The following FMNL1 variants were observed in gnomAD, a reference collection of about 807,000 sequenced individuals.
The protein encoded by FMNL1 is formin-like protein 1.
A neutral mutation model predicts 121.3 loss-of-function variants in FMNL1; 43 were observed. The ratio of observed to expected loss-of-function variants is 0.35; its 90% CI spans 0.28 to 0.46. FMNL1 has a LOEUF of 0.46. Ranked by LOEUF, FMNL1 falls within the 20% of genes least tolerant of loss-of-function variation. The pLI is 1.00. For missense variants in FMNL1, 1,191 were observed against 1,482.4 expected (o/e 0.80, Z 3.23); for synonymous variants, 613 against 613.5 (o/e 1.00, Z 0.01).
At position 45,243,775 on chromosome 17, in the gene FMNL1, C is replaced by G; in HGVS notation, c.2214-16C>G. The G allele has an allele frequency of 6.2e-7, 1 of 1,601,850 alleles. No individual in the cohort carries two copies. The highest frequency in any genetic ancestry group is 8.5e-7 in the Non-Finnish European group (1 of 1,170,478). On this transcript the variant is annotated splice_polypyrimidine_tract_variant and intron_variant, in intron 17 of 26. Transcript: ENST00000331495. Reference sequence around the variant, plus strand: ...GTATGGATGATGCCCAATCTCCCCTCTCCTCCCTCTCACAGGTACGACCTG... The same window carrying G: ...GTATGGATGATGCCCAATCTCCCCTGTCCTCCCTCTCACAGGTACGACCTG...
Position 45,241,542 on chromosome 17 carries a change from C to A in FMNL1, c.1493C>A (p.Ala498Asp). 2 of 1,574,290 alleles carry A rather than the reference C, an allele frequency of 1.3e-6. No individual in the cohort carries two copies. The highest frequency in any genetic ancestry group is 2.7e-5 in the African/African-American group (2 of 74,446). ...CGTATTCTGCGGGGGCCGGGGGATG[C>A]TGTCTCCATCGAGATCCTCCCCGTC... is the stretch of plus-strand genomic sequence containing the variant. ...LIRILRGPGD[A>D]VSIEILPVAV... Residue 498 changes from alanine (A) to aspartate (D), a missense_variant, in exon 14 of 27, where the codon GCT becomes GAT. By Grantham distance (126) the Ala-to-Asp change is moderately radical (BLOSUM62 -2). Transcript: ENST00000331495. This position sits in a 1 kb window ranked among gnomAD's most constrained non-coding sequence, Gnocchi z 7.0.
intron 16 of FMNL1, among the ~76,000 whole-genome samples, chr17:45,242,857 C>G (rs2043739192): frequency 6.6e-6 from 1 of 152,262 alleles, no homozygotes; most frequent in South Asian, 2.1e-4. Flanking sequence ...TTTCCTTTCT[C>G]CTTTTTACCG....
Position 45,236,006 on chromosome 17 carries a change from G to A in FMNL1, c.615-130G>A, listed in dbSNP as rs991753417. 1.7e-5 allele frequency: 12 copies of A among 707,244 alleles called. No homozygotes were observed. The Admixed American group carries it at 2.8e-4, about 16-fold the overall frequency. The allele number at this position is 707,244 out of a possible 1,614,324, so 43.8% of individuals were successfully genotyped here. ...CTGCCTGCCCTCAGCCAGCCTCTTTGGTTGGGTAGATGGGATGTGGTGCCG... is the reference window on the plus strand; with the variant it reads ...CTGCCTGCCCTCAGCCAGCCTCTTTAGTTGGGTAGATGGGATGTGGTGCCG... On this transcript the variant is annotated intron_variant, in intron 6 of 26. Transcript: ENST00000331495.
chr17:45,239,224 C>T (rs1297547310), intron 11 of FMNL1, 159 bp downstream of exon 11: 4 of 627,044 alleles, frequency 6.4e-6, no homozygotes, highest in Non-Finnish European at 8.7e-6. Flanking sequence ...TCCTCTCTCT[C>T]AGTGTCAGTT....
In FMNL1 at chr17:45,231,640, C is replaced by T. The variant is rs906542015; in HGVS notation, c.214-727C>T. Among the ~76,000 whole-genome samples, 12 of 151,982 alleles carry T rather than the reference C, an allele frequency of 7.9e-5. No individual in the cohort carries two copies. Among genetic ancestry groups the T allele is most frequent in the South Asian group, 2.1e-4 (1 of 4,828 alleles). On this transcript the variant is annotated intron_variant, in intron 2 of 26. Transcript: ENST00000331495. This position sits in a 1 kb window ranked among gnomAD's most constrained non-coding sequence, Gnocchi z 4.7. ...GGCCCCTCTGGGGAGGGGTCTTTGC[C>T]GTGGTCCCTGCCTCTTTGTGTGAGT...
Position 45,222,204 on chromosome 17 carries a change from A to G in FMNL1, c.80A>G (p.Gln27Arg). 8.0e-7 allele frequency: 1 copy of G among 1,250,320 alleles called. No homozygotes were observed. The highest frequency in any genetic ancestry group is 1.0e-6 in the Non-Finnish European group (1 of 992,158). 77.5% of individuals were successfully genotyped at this position (1,250,320 alleles called of 1,614,324 possible). A position where few individuals can be genotyped will look rare whatever the true frequency, so the allele number is the denominator to read the frequency against. The change falls in exon 1 of 27, where the codon CAG becomes CGG. Residue 27 changes from glutamine (Q) to arginine (R), a missense_variant. Around this residue, in one of 4 missense-constraint regions of FMNL1, gnomAD observed 52 missense variants for 43.4 expected, o/e 1.20. Transcript: ENST00000331495. ...PPPKQPAPPK[Q>R]PMPAAGELEE... ...CCCAAGCAGCCCGCGCCTCCCAAGC[A>G]GCCGATGCCCGCGGCCGGAGAGCTG...
chr17:45,225,833 T>C (rs1048255268), intron 1 of FMNL1, among the ~76,000 whole-genome samples: 5 of 152,154 alleles, frequency 3.3e-5, no homozygotes. Flanking sequence ...AGCTGTAGTT[T>C]CCCTCACCTG....
Position 45,244,000 on chromosome 17 carries a change from C to T in FMNL1, c.2423C>T (p.Pro808Leu), listed in dbSNP as rs200065435. ...ACACTCACCTTCCTGGGCAACTTCC[C>T]GGACACAGCCCAGCTGCTCATGCCG... ...MTTLTFLGNF[P>L]DTAQLLMPQL... The change falls in exon 18 of 27, where the codon CCG becomes CTG. Residue 808 changes from proline to leucine, a missense_variant. This residue lies in a region of FMNL1 where 367 missense variants were observed against 528.6 expected (regional missense o/e 0.69). Transcript: ENST00000331495. The T allele has an allele frequency of 2.4e-5, 38 of 1,610,790 alleles. No individual in the cohort carries two copies. The highest frequency in any genetic ancestry group is 4.4e-5 in the South Asian group (4 of 91,042).
chr17:45,232,857 G>T, intron 3 of FMNL1: 1 of 561,986 alleles, frequency 1.8e-6, no homozygotes, highest in Non-Finnish European at 3.4e-6. Flanking sequence ...GTGTGTGTGT[G>T]TGTCCATGTA....
At chr17:45,226,488 G>T (rs533463707) in intron 1 of FMNL1, among the ~76,000 whole-genome samples, 22 of 152,306 alleles carry the variant, frequency 1.4e-4, no homozygotes, top group Admixed American at 3.9e-4. Flanking sequence ...CCATTCCCCG[G>T]CTGCTCCTTC....
chr17:45,239,058 A>T lies in FMNL1; in HGVS notation c.1073A>T (p.Tyr358Phe), dbSNP rs758023511. The change falls in exon 11 of 27, where the codon TAC becomes TTC. Residue 358 changes from tyrosine to phenylalanine, a missense_variant. Around this residue, in one of 4 missense-constraint regions of FMNL1, gnomAD observed 519 missense variants for 492.8 expected, o/e 1.05. Transcript: ENST00000331495. ...YEFTHLGLDL[Y>F]LERLRLTESD... ...TTCACCCACTTGGGCCTGGACCTGTACTTGGAGGTAAGCCCTGTACTGCCC... is the reference window on the plus strand; with the variant it reads ...TTCACCCACTTGGGCCTGGACCTGTTCTTGGAGGTAAGCCCTGTACTGCCC... 1 of 1,613,684 alleles carries T rather than the reference A, an allele frequency of 6.2e-7. No individual in the cohort carries two copies.
Position 45,240,465 on chromosome 17 carries a change from C to T in FMNL1, c.1081-11C>T. ...CCAGGCCTCACCCCACTCCTTCCAT[C>T]TGGGGGACAGAGGCTTCGGCTCACC... On this transcript the variant is annotated splice_polypyrimidine_tract_variant and intron_variant, in intron 11 of 26. Transcript: ENST00000331495. 2 of 1,605,326 alleles carry T rather than the reference C, an allele frequency of 1.2e-6. No homozygotes were observed. Among genetic ancestry groups the T allele is most frequent in the Non-Finnish European group, 1.7e-6 (2 of 1,175,060 alleles).
At chr17:45,240,698 G>C (rs1358955323) in intron 12 of FMNL1, 73 bp downstream of exon 12, 1 of 1,539,250 alleles carries the variant, frequency 6.5e-7, no homozygotes, top group African/African-American at 1.4e-5. Context: ...GGCCACGCAA[G>C]CATGGGCACT....
chr17:45,240,824 G>T, intron 12 of FMNL1, 199 bp downstream of exon 12: 1 of 814,600 alleles, frequency 1.2e-6, no homozygotes, highest in Non-Finnish European at 1.9e-6. Flanking sequence ...GTGTGGGTGA[G>T]CACCCTCACT....
Position 45,241,918 on chromosome 17 carries a change from T to G in FMNL1, c.1657T>G (p.Ser553Ala), listed in dbSNP as rs1483850863. The stretch of plus-strand genomic sequence containing the variant: ...GCCGCCCCCACTGCCCGGCCTCCCC[T>G]CCCCGCAGGAAGCCCCGCCCTCTGC... ...PPPPPLPGLPSPQEAPPSAPP... is the reference protein window; with the variant it reads ...PPPPPLPGLPAPQEAPPSAPP... Residue 553 changes from serine to alanine, a missense_variant, in exon 15 of 27, where the codon TCC becomes GCC. Ser to Ala is a moderately conservative substitution (Grantham distance 99). Around this residue, in one of 4 missense-constraint regions of FMNL1, gnomAD observed 519 missense variants for 492.8 expected, o/e 1.05. Coordinates refer to ENST00000331495, the MANE Select transcript of FMNL1 (RefSeq NM_005892.4). This position sits in a 1 kb window ranked among gnomAD's most constrained non-coding sequence, Gnocchi z 7.0. 8.2e-7 allele frequency: 1 copy of G among 1,213,054 alleles called. No individual in the cohort carries two copies. Among genetic ancestry groups the G allele is most frequent in the South Asian group, 1.7e-5 (1 of 57,546 alleles). 75.1% of individuals were successfully genotyped at this position (1,213,054 alleles called of 1,614,324 possible). A position where few individuals can be genotyped will look rare whatever the true frequency, so the allele number is the denominator to read the frequency against.
Position 45,232,348 on chromosome 17 carries a change from C to G in FMNL1, c.214-19C>G. ...GTAGCTCTGGCTGGTTTTCTGTACA[C>G]CCCATTCCATCTCCCCAGGAGCGGT... On this transcript the variant is annotated intron_variant, in intron 2 of 26. Coordinates refer to ENST00000331495, the MANE Select transcript of FMNL1 (RefSeq NM_005892.4). The G allele has an allele frequency of 6.2e-7, 1 of 1,611,746 alleles. No individual in the cohort carries two copies.
chr17:45,222,688 AG>A (rs1187700324), intron 1 of FMNL1, among the ~76,000 whole-genome samples: 1 of 151,924 alleles, frequency 6.6e-6, no homozygotes, highest in African/African-American at 2.4e-5. Context: ...GACCTGCTGG[AG>A]GTGTTGGGTC....
chr17:45,244,048 G>T (rs951819680), intron 18 of FMNL1, 23 bp downstream of exon 18: 2 of 1,600,128 alleles, frequency 1.2e-6, no homozygotes, highest in Non-Finnish European at 1.7e-6. Context: ...CGGGCAGGGC[G>T]GTGTGACTTG....
chr17:45,245,812 T>C lies in FMNL1; in HGVS notation c.2995-66T>C. On this transcript the variant is annotated intron_variant, in intron 23 of 26. Coordinates refer to ENST00000331495, the MANE Select transcript of FMNL1 (RefSeq NM_005892.4). ...CTGGGCAGCGGAGGGGTGGGGCTGC[T>C]TCTGTTTAGGGGGTGGGTAGGGCAG... 2 of 1,605,744 alleles carry C rather than the reference T, an allele frequency of 1.2e-6. 1 individual carries two copies.
Sources: allele counts gnomAD v4.1 joint callset (sites outside exome capture counted in the v4.1 genomes callset), GRCh38; gene constraint gnomAD v4.1.1; regional missense constraint gnomAD v4.1.1; non-coding constraint Gnocchi (gnomAD v3.1); transcripts MANE v1.5; gene names NCBI Gene and HGNC (gene_info 2026-07-23, HGNC 2026-07-21).